Variants in ARHGEF11 observed in about 807,000 individuals in gnomAD.
ARHGEF11 encodes the protein Rho guanine nucleotide exchange factor 11, also known as Rho guanine exchange factor (GEF) 11.
Under a neutral mutation model 193.7 loss-of-function variants are expected in ARHGEF11, and 55 were observed. The ratio of observed to expected loss-of-function variants is 0.28; its 90% CI spans 0.23 to 0.36. The LOEUF is 0.36. Among genes scored for constraint, ARHGEF11 ranks in the 10% least tolerant of loss-of-function variants. The pLI is 1.00. For synonymous variants in ARHGEF11, 693 were observed against 768.0 expected, an observed-to-expected ratio of 0.90 and a Z score of 1.62; for missense variants, 1,723 against 2,005.6, an observed-to-expected ratio of 0.86 and a Z score of 2.69.
chr1:156,940,040 C>G, intron 36 of ARHGEF11, 130 bp from the exon 37 acceptor site: 2 of 1,468,386 alleles, frequency 1.4e-6, no homozygotes, highest in Non-Finnish European at 1.8e-6. Flanking sequence ...CTCTGGCCAA[C>G]TAGCTGGTGG....
chr1:157,039,802 G>A (rs1353810758), intron 1 of ARHGEF11, among the ~76,000 whole-genome samples: 1 of 152,122 alleles, frequency 6.6e-6, no homozygotes, highest in African/African-American at 2.4e-5. Flanking sequence ...CTCCTCTTAC[G>A]TTTATAGAAC....
chr1:156,973,242 T>C (rs1662768282), intron 7 of ARHGEF11, among the ~76,000 whole-genome samples: 1 of 152,214 alleles, frequency 6.6e-6, no homozygotes, highest in Non-Finnish European at 1.5e-5. Flanking sequence ...GCCAAATGTT[T>C]CAAAACATTA....
intron 21 of ARHGEF11, among the ~76,000 whole-genome samples, chr1:156,952,905 C>T (rs903045953): frequency 2.6e-5 from 4 of 152,230 alleles, no homozygotes; most frequent in African/African-American, 7.2e-5. Flanking sequence ...GCTGGGCAGC[C>T]GCAGCCCTGA....
intron 1 of ARHGEF11, among the ~76,000 whole-genome samples, chr1:157,005,688 A>G (rs190821765): frequency 4.6e-5 from 7 of 152,364 alleles, no homozygotes; most frequent in African/African-American, 1.4e-4. Context: ...ACTGCTACTT[A>G]GTCTCTTACA....
At chr1:156,943,477 A>G (rs1354867240) in intron 32 of ARHGEF11, among the ~76,000 whole-genome samples, 2 of 152,208 alleles carry the variant, frequency 1.3e-5, no homozygotes, top group Non-Finnish European at 2.9e-5. Context: ...TTTGCTCCAG[A>G]GCCCTTTCTC....
intron 5 of ARHGEF11, among the ~76,000 whole-genome samples, chr1:156,978,808 T>C (rs535476992): frequency 3.3e-4 from 50 of 152,338 alleles, no homozygotes; most frequent in African/African-American, 1.2e-3. Context: ...TTGTTTCTAT[T>C]TGAATATTTG....
In ARHGEF11 at chr1:157,044,628, C is replaced by T. The variant is rs766901848; in HGVS notation, c.-298G>A. ...CTACGACCTTCTCAGAAACCAAAAA[C>T]CCAGCCACGAATCTCTTCAAGGTTA... is the stretch of plus-strand genomic sequence containing the variant. On this transcript the variant is annotated 5_prime_UTR_variant, in exon 1 of 41. Coordinates refer to ENST00000368194, the MANE Select transcript of ARHGEF11 (RefSeq NM_198236.3). The T allele has an allele frequency of 1.4e-5, 7 of 489,536 alleles. No individual in the cohort carries two copies. Among genetic ancestry groups the T allele is most frequent in the Admixed American group, 3.5e-5 (1 of 28,218 alleles). 30.3% of individuals were successfully genotyped at this position (489,536 alleles called of 1,614,324 possible).
chr1:157,023,503 C>T (rs1329423795), intron 1 of ARHGEF11, among the ~76,000 whole-genome samples: 3 of 152,098 alleles, frequency 2.0e-5, no homozygotes, highest in African/African-American at 4.8e-5. Flanking sequence ...CGGTGGCTCA[C>T]GCCTGTAATC....
At chr1:156,957,918 G>A in intron 17 of ARHGEF11, 103 bp from the exon 18 acceptor site, 1 of 1,074,764 alleles carries the variant, frequency 9.3e-7, no homozygotes, top group Non-Finnish European at 1.4e-6. Context: ...TGAAAGGAGG[G>A]TTAGTGGGGG....
Position 156,939,718 on chromosome 1 carries a change from C to G in ARHGEF11, c.3926G>C (p.Gly1309Ala). 6.2e-7 allele frequency: 1 copy of G among 1,614,106 alleles called. No homozygotes were observed. The highest frequency in any genetic ancestry group is 8.5e-7 in the Non-Finnish European group (1 of 1,180,020). ...CTGCTCTGGCCGTTCCCCCTCCAGC[C>G]CTGCAAGCTGGGTGTTGTCCCCTTC... ...GGEGDNTQLA[G>A]LEGERPEQED... is the part of the protein sequence containing the mutation. Residue 1309 changes from glycine (G) to alanine (A), a missense_variant, in exon 37 of 41, where the codon GGG becomes GCG. This residue lies in a region of ARHGEF11 where 360 missense variants were observed against 344.4 expected (regional missense o/e 1.05). Transcript: ENST00000368194.
intron 1 of ARHGEF11, among the ~76,000 whole-genome samples, chr1:156,987,613 T>G (rs963876398): frequency 2.6e-5 from 4 of 152,300 alleles, no homozygotes; most frequent in African/African-American, 9.6e-5. Flanking sequence ...TTATATTCTT[T>G]GGTACTTTTA....
rs1673186255 is a variant in ARHGEF11, at chr1:157,045,113, T to C, written c.-783A>G. On this transcript the variant is annotated 5_prime_UTR_variant, in exon 1 of 41. Coordinates refer to ENST00000368194, the MANE Select transcript of ARHGEF11 (RefSeq NM_198236.3). ...AATAAAATAAAAATCAAAGAACACC[T>C]GAAATGCAATGCTTTTTACCTTTAA... The C allele has an allele frequency of 6.6e-6, 1 of 152,010 alleles. No homozygotes were observed. The highest frequency in any genetic ancestry group is 1.5e-5 in the Non-Finnish European group (1 of 67,984). 9.4% of individuals were successfully genotyped at this position (152,010 alleles called of 1,614,324 possible). A position where few individuals can be genotyped will look rare whatever the true frequency, so the allele number is the denominator to read the frequency against.
intron 37 of ARHGEF11, chr1:156,938,782 TGGAA>T (rs1429846989): frequency 9.0e-6 from 4 of 442,952 alleles, no homozygotes; most frequent in Non-Finnish European, 1.6e-5. Context: ...AAAATGCTGC[TGGAA>T]GGGAGGCAGA....
intron 1 of ARHGEF11, among the ~76,000 whole-genome samples, chr1:157,007,564 G>A (rs1459267550): frequency 6.6e-6 from 1 of 152,102 alleles, no homozygotes; most frequent in African/African-American, 2.4e-5. Flanking sequence ...GGGGTTGTGC[G>A]GCGGGGGGAG....
At chr1:157,026,660 G>A (rs1178850500) in intron 1 of ARHGEF11, among the ~76,000 whole-genome samples, 1 of 152,180 alleles carries the variant, frequency 6.6e-6, no homozygotes, top group Non-Finnish European at 1.5e-5. Flanking sequence ...TCAGAGCATA[G>A]GTTCAATGCT....
intron 11 of ARHGEF11, among the ~76,000 whole-genome samples, chr1:156,966,039 C>G (rs897602853): frequency 1.3e-5 from 2 of 152,214 alleles, no homozygotes; most frequent in Non-Finnish European, 2.9e-5. Flanking sequence ...AGGGAAGTAA[C>G]AGCAGAGGGA....
intron 1 of ARHGEF11, among the ~76,000 whole-genome samples, chr1:157,018,366 G>GGGC (rs1276237865): frequency 6.6e-6 from 1 of 151,976 alleles, no homozygotes; most frequent in Admixed American, 6.5e-5. Flanking sequence ...AAGACCAGCC[G>GGGC]GGCGCGGTGG....
chr1:156,979,248 T>C lies in ARHGEF11; in HGVS notation c.312A>G (p.Glu104=), dbSNP rs762890412. The change falls in exon 5 of 41, where the codon GAA becomes GAG. Residue 104 remains glutamate, a synonymous_variant. Coordinates refer to ENST00000368194, the MANE Select transcript of ARHGEF11 (RefSeq NM_198236.3). ...GTMVTNSSHL[E]VVKLIKSGAY... ...ACTCACATTTGATCAGCTTTACCACTTCCAGGTGTGAGCTATTGGTCACCA... is the reference window on the plus strand; with the variant it reads ...ACTCACATTTGATCAGCTTTACCACCTCCAGGTGTGAGCTATTGGTCACCA... 6.2e-7 allele frequency: 1 copy of C among 1,614,110 alleles called. No homozygotes were observed. The highest frequency in any genetic ancestry group is 1.1e-5 in the South Asian group (1 of 91,070).
intron 1 of ARHGEF11, among the ~76,000 whole-genome samples, chr1:156,996,424 G>A (rs1666498018): frequency 6.6e-6 from 1 of 152,076 alleles, no homozygotes; most frequent in South Asian, 2.1e-4. Context: ...TCTAGGGGAG[G>A]AAGCAGCAGA....
Sources: gnomAD v4.1 joint callset for allele counts (sites outside exome capture counted in the v4.1 genomes callset) on GRCh38, gnomAD v4.1.1 for gene constraint, gnomAD v4.1.1 regional missense constraint, MANE v1.5 for transcripts, NCBI Gene and HGNC (gene_info 2026-07-23, HGNC 2026-07-21) for gene names.